The following VPS41 variants were observed in gnomAD, a reference collection of about 807,000 sequenced individuals.
The protein encoded by VPS41 is vacuolar protein sorting-associated protein 41 homolog.
Under a neutral mutation model 130.9 loss-of-function variants are expected in VPS41, and 85 were observed. That is an observed-to-expected ratio of 0.65 (90% CI 0.55 to 0.78). The LOEUF (loss-of-function observed/expected upper bound fraction) is 0.78, where lower values mean the gene tolerates loss of function less well. Ranked by LOEUF, VPS41 falls within the 30% of genes least tolerant of loss-of-function variation. The pLI is 0.00. For synonymous variants in VPS41, 335 were observed against 332.9 expected (o/e 1.01, Z -0.07); for missense variants, 874 against 1,018.7 (o/e 0.86, Z 1.93).
At chr7:38,881,990 A>C (rs1326239653) in intron 2 of VPS41, among the ~76,000 whole-genome samples, 1 of 152,140 alleles carries the variant, frequency 6.6e-6, no homozygotes, top group Non-Finnish European at 1.5e-5. Context: ...CTTCTTTAAC[A>C]GTCACTCAAC....
At chr7:38,862,706 G>A in intron 3 of VPS41, 84 bp from the exon 4 acceptor site, 1 of 781,426 alleles carries the variant, frequency 1.3e-6, no homozygotes, top group South Asian at 1.7e-5. Context: ...TTAAAGACAA[G>A]ATGCTTAATG....
intron 2 of VPS41, among the ~76,000 whole-genome samples, chr7:38,881,755 A>G (rs1336629675): frequency 1.3e-5 from 2 of 152,164 alleles, no homozygotes; most frequent in Non-Finnish European, 2.9e-5. Context: ...TAGTTTCACC[A>G]TCTCCAAAAT....
chr7:38,819,449 C>G (rs572285606), intron 6 of VPS41, among the ~76,000 whole-genome samples: 1 of 152,326 alleles, frequency 6.6e-6, no homozygotes, highest in Admixed American at 6.5e-5. Flanking sequence ...CAGATGATCT[C>G]TCTTCTTTAT....
chr7:38,898,416 A>G (rs1363803349), intron 1 of VPS41, among the ~76,000 whole-genome samples: 2 of 152,202 alleles, frequency 1.3e-5, no homozygotes, highest in African/African-American at 4.8e-5. Context: ...CCTTGTTAAT[A>G]ATGGAAACCC....
chr7:38,794,047 GAGA>G (rs1784578399), intron 9 of VPS41, among the ~76,000 whole-genome samples: 1 of 152,184 alleles, frequency 6.6e-6, no homozygotes, highest in Non-Finnish European at 1.5e-5. Context: ...CAGCATACCA[GAGA>G]AAGAATTTCT....
intron 16 of VPS41, among the ~76,000 whole-genome samples, 174 bp from the exon 17 acceptor site, chr7:38,763,721 TTATAA>T (rs1467377074): frequency 1.3e-5 from 2 of 152,184 alleles, no homozygotes; most frequent in Non-Finnish European, 2.9e-5. Context: ...TAACAATAAA[TTATAA>T]TATATTTTCA....
At chr7:38,830,789 C>A (rs1785372484) in intron 4 of VPS41, among the ~76,000 whole-genome samples, 1 of 152,124 alleles carries the variant, frequency 6.6e-6, no homozygotes, top group South Asian at 2.1e-4. Flanking sequence ...ATGAGCGACA[C>A]CCCTGAAATG....
intron 9 of VPS41, among the ~76,000 whole-genome samples, chr7:38,793,080 C>G (rs749355843): frequency 3.1e-4 from 47 of 152,200 alleles, no homozygotes; most frequent in Admixed American, 5.2e-4. Context: ...GGTACCTACC[C>G]CAATCCCTTT....
intron 4 of VPS41, among the ~76,000 whole-genome samples, chr7:38,835,134 A>G (rs1305800844): frequency 6.6e-6 from 1 of 152,000 alleles, no homozygotes; most frequent in African/African-American, 2.4e-5. Flanking sequence ...TACAGGTATA[A>G]GTACTTGTGT....
chr7:38,864,535 G>C (rs1233129795), intron 3 of VPS41, among the ~76,000 whole-genome samples: 2 of 152,022 alleles, frequency 1.3e-5, no homozygotes, highest in African/African-American at 4.8e-5. Flanking sequence ...TCCACTTTTA[G>C]AAATATATAC....
At chr7:38,836,312 C>T (rs1257197313) in intron 4 of VPS41, among the ~76,000 whole-genome samples, 1 of 152,004 alleles carries the variant, frequency 6.6e-6, no homozygotes, top group Non-Finnish European at 1.5e-5. Context: ...TCAATGCAAT[C>T]ACATTATTTA....
At chr7:38,770,707 C>G (rs1439167401) in intron 14 of VPS41, among the ~76,000 whole-genome samples, 1 of 152,190 alleles carries the variant, frequency 6.6e-6, no homozygotes, top group African/African-American at 2.4e-5. Flanking sequence ...TCTGCACATT[C>G]ACTGTCACAG....
At chr7:38,797,831 C>T (rs1041594314) in intron 7 of VPS41, among the ~76,000 whole-genome samples, 3 of 152,100 alleles carry the variant, frequency 2.0e-5, no homozygotes, top group African/African-American at 7.2e-5. Context: ...GTATATCTTT[C>T]TCAATAGACT....
At chr7:38,869,401 T>G (rs529689697) in intron 2 of VPS41, 148 bp from the exon 3 acceptor site, 5 of 581,108 alleles carry the variant, frequency 8.6e-6, no homozygotes, top group Non-Finnish European at 1.5e-5. Context: ...ATCTTCATAT[T>G]TCATCTTGCC....
At chr7:38,862,469 T>C in intron 4 of VPS41, 76 bp downstream of exon 4, 1 of 919,576 alleles carries the variant, frequency 1.1e-6, no homozygotes, top group Non-Finnish European at 1.7e-6. Context: ...TAAAACAAAC[T>C]GGTAAACCAA....
chr7:38,873,196 A>G (rs947637977), intron 2 of VPS41, among the ~76,000 whole-genome samples: 26 of 152,212 alleles, frequency 1.7e-4, no homozygotes, highest in Non-Finnish European at 4.4e-5. Context: ...GAAAACTCCA[A>G]TATTAGGCAT....
At chr7:38,763,652 A>G in intron 16 of VPS41, 105 bp from the exon 17 acceptor site, 1 of 671,444 alleles carries the variant, frequency 1.5e-6, no homozygotes, top group Non-Finnish European at 2.5e-6. Context: ...TAAAAATGTG[A>G]GGGAATACAG....
intron 2 of VPS41, among the ~76,000 whole-genome samples, chr7:38,884,439 C>G (rs776992564): frequency 6.6e-6 from 1 of 152,178 alleles, no homozygotes; most frequent in Non-Finnish European, 1.5e-5. Context: ...TAAACCAGAA[C>G]TAAATGCACA....
At chr7:38,887,234 C>T (rs935532135) in intron 2 of VPS41, among the ~76,000 whole-genome samples, 3 of 152,172 alleles carry the variant, frequency 2.0e-5, no homozygotes, top group African/African-American at 7.2e-5. Flanking sequence ...CTTCTCCAAA[C>T]TAAAGCAGCA....
Sources: gnomAD v4.1 joint callset for allele counts (sites outside exome capture counted in the v4.1 genomes callset) on GRCh38, gnomAD v4.1.1 for gene constraint, MANE v1.5 for transcripts, NCBI Gene and HGNC (gene_info 2026-07-23, HGNC 2026-07-21) for gene names.